The following NRXN1 variants were observed in gnomAD, a reference collection of about 807,000 sequenced individuals.
NRXN1 encodes the protein neurexin 1, also known as neurexin-1.
A neutral mutation model predicts 150.9 loss-of-function variants in NRXN1; 39 were observed. That is an observed-to-expected ratio of 0.26 (90% CI 0.20 to 0.34). The LOEUF is 0.34. NRXN1 is among the 10% of genes least tolerant of loss of function. NRXN1 has a pLI of 1.00. For synonymous variants in NRXN1, 924 were observed against 757.0 expected (o/e 1.22, Z -3.62); for missense variants, 1,815 against 1,949.9 (o/e 0.93, Z 1.30).
intron 21 of NRXN1, among the ~76,000 whole-genome samples, chr2:49,988,098 T>G (rs1681237614): frequency 6.6e-6 from 1 of 152,108 alleles, no homozygotes; most frequent in Non-Finnish European, 1.5e-5. Context: ...ATTTATACAT[T>G]CATCCCTGCT....
chr2:50,893,194 C>T (rs1159748556), intron 5 of NRXN1, among the ~76,000 whole-genome samples: 1 of 152,112 alleles, frequency 6.6e-6, no homozygotes, highest in Non-Finnish European at 1.5e-5. Context: ...GAGCATTTGT[C>T]CCCTGGAGCA....
chr2:50,729,730 C>G (rs1204269185), intron 5 of NRXN1, among the ~76,000 whole-genome samples: 1 of 152,180 alleles, frequency 6.6e-6, no homozygotes, highest in Non-Finnish European at 1.5e-5. Flanking sequence ...GAGTTGCTAT[C>G]TGACACCCAA....
In NRXN1 at chr2:51,027,679, T is replaced by G; in HGVS notation, c.595A>C (p.Ser199Arg). 1 of 1,604,452 alleles carries G rather than the reference T, an allele frequency of 6.2e-7. No homozygotes were observed. The highest frequency in any genetic ancestry group is 8.5e-7 in the Non-Finnish European group (1 of 1,175,430). The part of the protein sequence containing the change: ...VNSSQVLPVD[S>R]GEVKLDDEPP... ...TCATCGTCCAGCTTCACCTCGCCGCTGTCCACGGGCAGGACCTGCGAGGAG... is the reference window on the plus strand; with the variant it reads ...TCATCGTCCAGCTTCACCTCGCCGCGGTCCACGGGCAGGACCTGCGAGGAG... Residue 199 changes from serine (S) to arginine (R), a missense_variant, in exon 2 of 23, where the codon AGC becomes CGC. This residue lies in a region of NRXN1 where 554 missense variants were observed against 478.8 expected (regional missense o/e 1.16). Coordinates refer to ENST00000401669, the MANE Select transcript of NRXN1 (RefSeq NM_001330078.2).
intron 15 of NRXN1, among the ~76,000 whole-genome samples, chr2:50,472,795 T>TGTGTG (rs147494484): frequency 9.4e-5 from 13 of 138,644 alleles, no homozygotes; most frequent in African/African-American, 3.7e-4. Context: ...CCCTACAGCC[T>TGTGTG]TGTGTGTGTG....
At chr2:51,010,143 T>C (rs1558580568) in intron 2 of NRXN1, among the ~76,000 whole-genome samples, 1 of 151,986 alleles carries the variant, frequency 6.6e-6, no homozygotes, top group Non-Finnish European at 1.5e-5. Context: ...GACTATTGGT[T>C]TGACATTTCA....
At chr2:49,987,752 AAAC>A (rs1388702795) in intron 21 of NRXN1, among the ~76,000 whole-genome samples, 4 of 125,074 alleles carry the variant, frequency 3.2e-5, no homozygotes, top group Non-Finnish European at 7.3e-5. Context: ...ATTCTAGATG[AAAC>A]AACGTTTTTT....
intron 18 of NRXN1, among the ~76,000 whole-genome samples, chr2:50,138,358 C>A (rs912172272): frequency 6.6e-6 from 1 of 152,126 alleles, no homozygotes; most frequent in Admixed American, 6.6e-5. Context: ...AAAAAACAAT[C>A]TTCCTACAAG....
chr2:49,955,621 T>TA (rs1022276687), intron 21 of NRXN1, among the ~76,000 whole-genome samples: 4 of 150,048 alleles, frequency 2.7e-5, no homozygotes, highest in African/African-American at 7.4e-5. Flanking sequence ...GTTTTTTTTT[T>TA]ACCTACATAA....
intron 5 of NRXN1, among the ~76,000 whole-genome samples, chr2:50,785,750 C>T (rs1200773560): frequency 6.6e-6 from 1 of 152,066 alleles, no homozygotes; most frequent in African/African-American, 2.4e-5. Context: ...GGTAGTTTTG[C>T]AGGATGAAGC....
intron 17 of NRXN1, among the ~76,000 whole-genome samples, chr2:50,291,053 T>C (rs762243828): frequency 1.5e-4 from 23 of 151,624 alleles, no homozygotes; most frequent in Admixed American, 1.3e-3. Context: ...AAAAATCCCC[T>C]AGTGTAATCA....
Position 50,367,855 on chromosome 2 carries a change from C to A in NRXN1, c.3364+97587G>T, listed in dbSNP as rs150782521. Among the ~76,000 whole-genome samples the A allele has an allele frequency of 1.4e-3, 206 of 152,092 alleles. 1 individual carries two copies. The highest frequency in any genetic ancestry group is 4.8e-3 in the African/African-American group (199 of 41,538). ...AAGTTTTTAAGAAACAAATATTGAT[C>A]CAAAATTTCCCTTGCGTTTAATATT... is the stretch of plus-strand genomic sequence containing the variant. On this transcript the variant is annotated intron_variant, in intron 17 of 22. Transcript: ENST00000401669.
chr2:50,735,026 A>AT (rs979078703), intron 5 of NRXN1, among the ~76,000 whole-genome samples: 13 of 152,178 alleles, frequency 8.5e-5, no homozygotes, highest in African/African-American at 2.9e-4. Flanking sequence ...AAGGTACTCT[A>AT]TCCCTTTAAC....
chr2:51,008,276 G>A (rs1469603668), intron 2 of NRXN1, among the ~76,000 whole-genome samples: 1 of 151,888 alleles, frequency 6.6e-6, no homozygotes, highest in East Asian at 1.9e-4. Flanking sequence ...CTAAAAAGAA[G>A]GGGTTTACTT....
At chr2:51,030,313 G>A (rs1461355143) in intron 1 of NRXN1, among the ~76,000 whole-genome samples, 2 of 151,474 alleles carry the variant, frequency 1.3e-5, no homozygotes, top group East Asian at 3.9e-4. Flanking sequence ...TTGTCTGGAT[G>A]TAGAAGCTCA....
Position 50,347,810 on chromosome 2 carries a change from TC to T in NRXN1, c.3365-110841del, listed in dbSNP as rs1558573851. ...CAAGGGGCTCTATGCAAATCTGCAG[TC>T]TCCAAACAGCAAATCACTGAAGCTC... On this transcript the variant is annotated intron_variant, in intron 17 of 22. Transcript: ENST00000401669. The surrounding 1 kb of genome is among the most constrained non-coding windows in gnomAD (Gnocchi z 4.9). 3.0e-6 allele frequency: 3 copies of T among 985,496 alleles called. No individual in the cohort carries two copies. The allele number at this position is 985,496 out of a possible 1,614,324, so 61.0% of individuals were successfully genotyped here. A position where few individuals can be genotyped will look rare whatever the true frequency, so the allele number is the denominator to read the frequency against.
chr2:50,182,697 C>G (rs1005080172), intron 18 of NRXN1, among the ~76,000 whole-genome samples: 1 of 152,004 alleles, frequency 6.6e-6, no homozygotes, highest in African/African-American at 2.4e-5. Context: ...AATTCACAAT[C>G]ATGAATATTA....
chr2:50,791,331 A>AAAC (rs1706001817), intron 5 of NRXN1, among the ~76,000 whole-genome samples: 1 of 151,624 alleles, frequency 6.6e-6, no homozygotes, highest in South Asian at 2.1e-4. Context: ...AAAAAAAAAA[A>AAAC]AATCCTTAGC....
chr2:49,969,152 C>G (rs1237691842), intron 21 of NRXN1, among the ~76,000 whole-genome samples: 1 of 152,024 alleles, frequency 6.6e-6, no homozygotes, highest in Non-Finnish European at 1.5e-5. Context: ...TACTTTTAAG[C>G]CTATTAGTTA....
chr2:50,592,982 T>A (rs1674535267), intron 8 of NRXN1, among the ~76,000 whole-genome samples: 1 of 152,158 alleles, frequency 6.6e-6, no homozygotes, highest in Non-Finnish European at 1.5e-5. Flanking sequence ...ATCAAGGTGG[T>A]GATCAATAAT....
Sources: gnomAD v4.1 joint callset for allele counts (sites outside exome capture counted in the v4.1 genomes callset) on GRCh38, gnomAD v4.1.1 for gene constraint, gnomAD v4.1.1 regional missense constraint, Gnocchi (gnomAD v3.1) non-coding constraint, MANE v1.5 for transcripts, NCBI Gene and HGNC (gene_info 2026-07-23, HGNC 2026-07-21) for gene names.